AP3B1: variants seen among roughly 807,000 people sequenced by gnomAD.
The protein encoded by AP3B1 is AP-3 complex subunit beta-1.
A neutral mutation model predicts 132.5 loss-of-function variants in AP3B1; 61 were observed. The observed-to-expected ratio is 0.46, with a 90% CI of 0.37 to 0.57. AP3B1 has a LOEUF of 0.57. Among genes scored for constraint, AP3B1 ranks in the 20% least tolerant of loss-of-function variants. The pLI is 0.00. For missense variants in AP3B1, 1,120 were observed against 1,289.4 expected, an observed-to-expected ratio of 0.87 and a Z score of 2.01; for synonymous variants, 388 against 438.3, an observed-to-expected ratio of 0.89 and a Z score of 1.43.
At chr5:78,008,489 T>C (rs914617091) in intron 26 of AP3B1, among the ~76,000 whole-genome samples, 1 of 152,188 alleles carries the variant, frequency 6.6e-6, no homozygotes, top group Non-Finnish European at 1.5e-5. Context: ...CCGCATTTGT[T>C]TGTCAATGAA....
intron 19 of AP3B1, among the ~76,000 whole-genome samples, chr5:78,112,539 T>C (rs1324687998): frequency 6.6e-6 from 1 of 152,202 alleles, no homozygotes; most frequent in African/African-American, 2.4e-5. Context: ...GGACATTTCA[T>C]GCACTGAACA....
At chr5:78,232,394 C>G (rs142542947) in intron 3 of AP3B1, among the ~76,000 whole-genome samples, 1 of 152,288 alleles carries the variant, frequency 6.6e-6, no homozygotes, top group Admixed American at 6.5e-5. Flanking sequence ...AACAACTGCA[C>G]TCCCATACAC....
intron 17 of AP3B1, among the ~76,000 whole-genome samples, chr5:78,117,312 AT>A (rs55983344): frequency 0.24 from 34,076 of 140,176 alleles, 3,848 homozygotes; most frequent in Admixed American, 0.32. Context: ...ATTTTGTGCA[AT>A]TTTTTTTTTT....
At chr5:78,279,911 T>TAC (rs1465830940) in intron 1 of AP3B1, among the ~76,000 whole-genome samples, 1 of 143,122 alleles carries the variant, frequency 7.0e-6, no homozygotes, top group African/African-American at 2.6e-5. Context: ...GACTTAAATA[T>TAC]ATATATATAT....
chr5:78,163,449 G>T (rs1253258200), intron 12 of AP3B1, among the ~76,000 whole-genome samples: 1 of 151,904 alleles, frequency 6.6e-6, no homozygotes, highest in Non-Finnish European at 1.5e-5. Context: ...GGTTGTAAAA[G>T]AATAATAGTT....
intron 20 of AP3B1, among the ~76,000 whole-genome samples, chr5:78,103,432 G>A (rs1322791747): frequency 1.3e-5 from 2 of 152,126 alleles, no homozygotes; most frequent in African/African-American, 4.8e-5. Context: ...AGAAAAGGCA[G>A]ATGAAATCAT....
At chr5:78,183,032 C>T (rs1033498030) in intron 7 of AP3B1, among the ~76,000 whole-genome samples, 1 of 152,184 alleles carries the variant, frequency 6.6e-6, no homozygotes, top group African/African-American at 2.4e-5. Flanking sequence ...CAGCACCACA[C>T]CTAGTAGTAA....
intron 2 of AP3B1, among the ~76,000 whole-genome samples, chr5:78,262,214 C>G (rs1420258524): frequency 6.6e-6 from 1 of 152,166 alleles, no homozygotes; most frequent in Non-Finnish European, 1.5e-5. Flanking sequence ...ATGATGCACA[C>G]AAGTTTTAAT....
At chr5:78,195,413 G>C (rs960492059) in intron 7 of AP3B1, among the ~76,000 whole-genome samples, 3 of 152,272 alleles carry the variant, frequency 2.0e-5, no homozygotes, top group African/African-American at 7.2e-5. Flanking sequence ...CAGTGGAACA[G>C]AAGAGAAAGC....
Position 78,110,283 on chromosome 5 carries a change from G to A in AP3B1, c.2321C>T (p.Ser774Leu). 6.2e-7 allele frequency: 1 copy of A among 1,609,054 alleles called. No homozygotes were observed. The highest frequency in any genetic ancestry group is 8.5e-7 in the Non-Finnish European group (1 of 1,176,830). ...AGAATCGGAAGAACTGTCTTCTATT[G>A]AACTAGATTCGTCATTTGAAGAATC... The part of the protein sequence containing the change: ...TSDSSNDESS[S>L]IEDSSSDSES... The change falls in exon 20 of 27, where the codon TCA (serine) becomes TTA (leucine). Residue 774 changes from serine (S) to leucine (L), a missense_variant. Transcript: ENST00000255194.
intron 22 of AP3B1, among the ~76,000 whole-genome samples, chr5:78,084,638 T>C (rs1750161582): frequency 6.6e-6 from 1 of 151,908 alleles, no homozygotes; most frequent in African/African-American, 2.4e-5. Context: ...ATATGTGCTT[T>C]CCATTTCTAT....
intron 3 of AP3B1, among the ~76,000 whole-genome samples, chr5:78,238,078 C>T (rs1043596793): frequency 6.6e-6 from 1 of 152,184 alleles, no homozygotes; most frequent in Non-Finnish European, 1.5e-5. Flanking sequence ...AGTGGGCAAG[C>T]AAGTGAAGCT....
At chr5:78,025,225 T>C (rs1747291588) in intron 24 of AP3B1, among the ~76,000 whole-genome samples, 1 of 152,172 alleles carries the variant, frequency 6.6e-6, no homozygotes, top group African/African-American at 2.4e-5. Flanking sequence ...TAATAGAAAC[T>C]CTTCTTCCCA....
intron 7 of AP3B1, among the ~76,000 whole-genome samples, chr5:78,200,421 G>T (rs374798148): frequency 6.6e-6 from 1 of 152,108 alleles, no homozygotes; most frequent in Admixed American, 6.6e-5. Flanking sequence ...ACTTTGGGAG[G>T]CTGAGGCAGG....
chr5:78,096,885 T>G (rs1238865270), intron 21 of AP3B1, among the ~76,000 whole-genome samples: 14 of 113,126 alleles, frequency 1.2e-4, no homozygotes, highest in Admixed American at 1.8e-4. Context: ...GGGAGGGAGG[T>G]AGGGGGTCAG....
intron 15 of AP3B1, among the ~76,000 whole-genome samples, chr5:78,132,686 T>G (rs1752741192): frequency 1.3e-5 from 2 of 152,242 alleles, no homozygotes; most frequent in Admixed American, 1.3e-4. Flanking sequence ...TTAAAATAAC[T>G]ACTAGCTTTT....
At chr5:78,252,741 T>C (rs1440248731) in intron 2 of AP3B1, among the ~76,000 whole-genome samples, 1 of 152,208 alleles carries the variant, frequency 6.6e-6, no homozygotes. Flanking sequence ...TTTCTGACTC[T>C]AGTCCCTGAC....
chr5:78,127,825 G>GA (rs751439531), intron 17 of AP3B1, among the ~76,000 whole-genome samples: 3 of 152,122 alleles, frequency 2.0e-5, no homozygotes, highest in Non-Finnish European at 4.4e-5. Context: ...TTTCCTTGAA[G>GA]AAAAGGAACA....
intron 17 of AP3B1, among the ~76,000 whole-genome samples, chr5:78,120,393 CT>C (rs1299021605): frequency 1.3e-5 from 2 of 152,186 alleles, no homozygotes; most frequent in African/African-American, 4.8e-5. Flanking sequence ...AAGACACAGA[CT>C]GGCAAATTGG....
Sources: gnomAD v4.1 joint callset for allele counts (sites outside exome capture counted in the v4.1 genomes callset) on GRCh38, gnomAD v4.1.1 for gene constraint, MANE v1.5 for transcripts, NCBI Gene and HGNC (gene_info 2026-07-23, HGNC 2026-07-21) for gene names.